The following DAPL1 variants were observed in gnomAD, a reference collection of about 807,000 sequenced individuals.
DAPL1 encodes the protein death associated protein like 1.
In DAPL1, 17 loss-of-function variants were observed where a neutral mutation model predicts 12.9. The ratio of observed to expected loss-of-function variants is 1.32; its 90% CI spans 0.90 to 1.98. DAPL1 has a LOEUF of 1.98. Among genes scored for constraint, DAPL1 ranks in the 30% most tolerant of loss-of-function variants. DAPL1 has a pLI of 0.00. For missense variants in DAPL1, 157 were observed against 125.7 expected, an observed-to-expected ratio of 1.25 and a Z score of -1.19; for synonymous variants, 51 against 42.0, an observed-to-expected ratio of 1.21 and a Z score of -0.82.
intron 3 of DAPL1, among the ~76,000 whole-genome samples, chr2:158,813,014 G>A (rs897247447): frequency 6.7e-5 from 9 of 134,762 alleles, no homozygotes; most frequent in South Asian, 5.3e-4. Flanking sequence ...TAGAAAAAAC[G>A]TGGTATATAT....
intron 3 of DAPL1, among the ~76,000 whole-genome samples, chr2:158,809,057 G>A (rs2059216561): frequency 6.6e-6 from 1 of 152,024 alleles, no homozygotes; most frequent in African/African-American, 2.4e-5. Flanking sequence ...GAGATGGTGT[G>A]CTGTTAGAAA....
chr2:158,815,609 G>A, intron 3 of DAPL1, 96 bp from the exon 4 acceptor site: 1 of 799,586 alleles, frequency 1.3e-6, no homozygotes, highest in Non-Finnish European at 2.2e-6. Flanking sequence ...AAAATTGTGA[G>A]ATTCCCTTGA....
chr2:158,813,625 G>A (rs111634981), intron 3 of DAPL1, among the ~76,000 whole-genome samples: 7,272 of 146,362 alleles, frequency 0.05, 261 homozygotes, highest in Non-Finnish European at 0.074. Context: ...ACCCGATCTC[G>A]GCTCACTGCA....
In DAPL1 at chr2:158,815,698, C is replaced by T. The variant is rs2059256489; in HGVS notation, c.208-7C>T. ...ATGCCTATTTTTTCTTCCCTTCTCACCTTTAGCTCAACTATAAATTTCCAG... is the reference window on the plus strand; with the variant it reads ...ATGCCTATTTTTTCTTCCCTTCTCATCTTTAGCTCAACTATAAATTTCCAG... On this transcript the variant is annotated splice_region_variant and splice_polypyrimidine_tract_variant and intron_variant, in intron 3 of 3. Coordinates refer to ENST00000309950, the MANE Select transcript of DAPL1 (RefSeq NM_001017920.3). 2.5e-6 allele frequency: 4 copies of T among 1,587,012 alleles called. No individual in the cohort carries two copies. In the Admixed American group the frequency reaches 5.0e-5, roughly 20 times the overall value.
intron 3 of DAPL1, 71 bp from the exon 4 acceptor site, chr2:158,815,634 T>G: frequency 1.1e-6 from 1 of 923,306 alleles, no homozygotes; most frequent in South Asian, 1.4e-5. Context: ...CGATATCACT[T>G]TCTACTAGTT....
At chr2:158,810,061 A>G (rs1015177266) in intron 3 of DAPL1, among the ~76,000 whole-genome samples, 3 of 152,228 alleles carry the variant, frequency 2.0e-5, no homozygotes, top group African/African-American at 7.2e-5. Flanking sequence ...TTGTAGTCAC[A>G]AACTGTATGT....
rs201479663 is a variant in DAPL1 at position 158,815,770 on chromosome 2, G to A, written c.273G>A (p.Lys91=). 6.0e-5 allele frequency: 97 copies of A among 1,613,976 alleles called. No homozygotes were observed. The highest frequency in any genetic ancestry group is 1.6e-4 in the Middle Eastern group (1 of 6,084). The part of the protein sequence containing the change: ...AHQKPTPALE[K]VVPLKRIYII... Reference sequence around the variant, plus strand: ...AAAAACCCACACCTGCTCTGGAAAAGGTTGTTCCACTGAAAAGGATCTACA... The same window carrying A: ...AAAAACCCACACCTGCTCTGGAAAAAGTTGTTCCACTGAAAAGGATCTACA... The change falls in exon 4 of 4, where the codon AAG becomes AAA. Residue 91 remains lysine, a synonymous_variant. Coordinates refer to ENST00000309950, the MANE Select transcript of DAPL1 (RefSeq NM_001017920.3).
At chr2:158,803,765 T>A (rs6756488) in intron 1 of DAPL1, among the ~76,000 whole-genome samples, 49,665 of 151,962 alleles carry the variant, frequency 0.33, 9,125 homozygotes, top group East Asian at 0.79. Context: ...TCTGGTAGAA[T>A]CAGAACCATC....
chr2:158,807,454 T>G (rs2059208963), intron 3 of DAPL1, among the ~76,000 whole-genome samples: 1 of 152,144 alleles, frequency 6.6e-6, no homozygotes, highest in Non-Finnish European at 1.5e-5. Flanking sequence ...GAGTGGGGCT[T>G]CAGTGGTTTT....
intron 1 of DAPL1, among the ~76,000 whole-genome samples, chr2:158,799,187 T>A (rs1422981049): frequency 6.6e-6 from 1 of 152,224 alleles, no homozygotes; most frequent in Non-Finnish European, 1.5e-5. Context: ...GCATCTCCCT[T>A]TTTTACATTG....
chr2:158,807,734 A>G lies in DAPL1; in HGVS notation c.207+619A>G, dbSNP rs748615283. ...GCGATCTCAGCTCACTGCAACCTCC[A>G]CCTCCCGGGTTCAAGTGGTTCTCCT... On this transcript the variant is annotated intron_variant, in intron 3 of 3. Coordinates refer to ENST00000309950, the MANE Select transcript of DAPL1 (RefSeq NM_001017920.3). The G allele has an allele frequency of 6.6e-6, 1 of 152,010 alleles. No homozygotes were observed. Among genetic ancestry groups the G allele is most frequent in the Non-Finnish European group, 1.5e-5 (1 of 68,072 alleles). 9.4% of individuals were successfully genotyped at this position (152,010 alleles called of 1,614,324 possible).
At chr2:158,806,889 T>C (rs2059205434) in intron 2 of DAPL1, among the ~76,000 whole-genome samples, 166 bp from the exon 3 acceptor site, 1 of 151,982 alleles carries the variant, frequency 6.6e-6, no homozygotes, top group African/African-American at 2.4e-5. Flanking sequence ...GCAAAGCTTG[T>C]TGTGTGTAGC....
At chr2:158,795,761 G>A (rs2059131309) in intron 1 of DAPL1, among the ~76,000 whole-genome samples, 1 of 150,788 alleles carries the variant, frequency 6.6e-6, no homozygotes, top group Non-Finnish European at 1.5e-5. Context: ...TAGATTAGCA[G>A]TGACACATCT....
At chr2:158,802,141 G>A (rs1273871221) in intron 1 of DAPL1, among the ~76,000 whole-genome samples, 1 of 152,194 alleles carries the variant, frequency 6.6e-6, no homozygotes, top group African/African-American at 2.4e-5. Context: ...AACAACAACT[G>A]TCATCATGGC....
At chr2:158,810,363 A>G (rs909844932) in intron 3 of DAPL1, among the ~76,000 whole-genome samples, 2 of 152,190 alleles carry the variant, frequency 1.3e-5, no homozygotes, top group African/African-American at 4.8e-5. Flanking sequence ...ATTTATTAAC[A>G]TGCATTCATG....
At chr2:158,801,621 A>G (rs1258552653) in intron 1 of DAPL1, among the ~76,000 whole-genome samples, 6 of 152,208 alleles carry the variant, frequency 3.9e-5, no homozygotes, top group African/African-American at 1.4e-4. Context: ...ATGTATAAAG[A>G]TAGCATTTTC....
chr2:158,804,125 AAT>A (rs200987154), intron 1 of DAPL1, among the ~76,000 whole-genome samples, 155 bp from the exon 2 acceptor site: 5 of 134,718 alleles, frequency 3.7e-5, no homozygotes, highest in Middle Eastern at 3.7e-3. Flanking sequence ...TTGCCAATAA[AAT>A]ATATATATTT....
intron 1 of DAPL1, among the ~76,000 whole-genome samples, chr2:158,800,152 GAGGT>G (rs1467494126): frequency 6.6e-6 from 1 of 151,734 alleles, no homozygotes; most frequent in Non-Finnish European, 1.5e-5. Flanking sequence ...ATTTTTTTGA[GAGGT>G]AGATGAAAAG....
At chr2:158,811,392 T>A (rs1161608436) in intron 3 of DAPL1, among the ~76,000 whole-genome samples, 1 of 152,138 alleles carries the variant, frequency 6.6e-6, no homozygotes, top group Non-Finnish European at 1.5e-5. Context: ...GAGTTGGAAG[T>A]TAACACCCTG....
Sources: gnomAD v4.1 joint callset for allele counts (sites outside exome capture counted in the v4.1 genomes callset) on GRCh38, gnomAD v4.1.1 for gene constraint, MANE v1.5 for transcripts, NCBI Gene and HGNC (gene_info 2026-07-23, HGNC 2026-07-21) for gene names.